LMBRD1: variants seen among roughly 807,000 people sequenced by gnomAD.
The protein encoded by LMBRD1 is LMBR1 domain containing 1.
LMBRD1 carries 64 observed loss-of-function variants against 74.8 expected under a neutral mutation model. That is an observed-to-expected ratio of 0.86 (90% CI 0.70 to 1.05). The LOEUF is 1.05. Among genes scored for constraint, LMBRD1 ranks in the 50% least tolerant of loss-of-function variants. The probability of loss-of-function intolerance (pLI) is 0.00; values close to 1 mark genes in which losing one functional copy is unlikely to be tolerated. For synonymous variants in LMBRD1, 204 were observed against 216.3 expected (o/e 0.94, Z 0.50); for missense variants, 652 against 645.9 (o/e 1.01, Z -0.10).
intron 8 of LMBRD1, among the ~76,000 whole-genome samples, chr6:69,715,775 A>G (rs1245757181): frequency 1.3e-5 from 2 of 151,586 alleles, no homozygotes; most frequent in Non-Finnish European, 1.5e-5. Flanking sequence ...CCCTCCTTCC[A>G]CCCTCTGCCC....
intron 14 of LMBRD1, among the ~76,000 whole-genome samples, chr6:69,688,112 A>T (rs895670393): frequency 1.3e-5 from 2 of 152,114 alleles, no homozygotes; most frequent in African/African-American, 4.8e-5. Flanking sequence ...TAACGAAGAT[A>T]TTAGGAGACT....
chr6:69,794,985 T>C (rs1352017357), intron 1 of LMBRD1, among the ~76,000 whole-genome samples: 1 of 152,332 alleles, frequency 6.6e-6, no homozygotes, highest in African/African-American at 2.4e-5. Flanking sequence ...CTTCCACTTG[T>C]TGAGCTTTGG....
At chr6:69,742,729 T>C (rs1767130785) in intron 5 of LMBRD1, among the ~76,000 whole-genome samples, 1 of 152,126 alleles carries the variant, frequency 6.6e-6, no homozygotes, top group Non-Finnish European at 1.5e-5. Flanking sequence ...AATGAATTAG[T>C]TCAATAATAT....
intron 7 of LMBRD1, among the ~76,000 whole-genome samples, chr6:69,723,135 T>A (rs980377539): frequency 1.3e-5 from 2 of 152,070 alleles, no homozygotes; most frequent in Non-Finnish European, 2.9e-5. Flanking sequence ...GATATAACAA[T>A]TATAAATGCA....
intron 4 of LMBRD1, among the ~76,000 whole-genome samples, chr6:69,751,968 T>G (rs200768359): frequency 7.8e-6 from 1 of 128,800 alleles, no homozygotes; most frequent in Non-Finnish European, 1.8e-5. Context: ...GTGGCTAGCT[T>G]GATTGTTGTG....
Position 69,788,995 on chromosome 6 carries a change from G to T in LMBRD1, c.246+1301C>A, listed in dbSNP as rs557467160. On this transcript the variant is annotated intron_variant, in intron 2 of 15. Coordinates refer to ENST00000649934, the MANE Select transcript of LMBRD1 (RefSeq NM_018368.4). ...CACAGGATTGTTTAAGAGACCAAAGGAAGTTACTAAATGTAAATCACTTAA... is the reference window on the plus strand; with the variant it reads ...CACAGGATTGTTTAAGAGACCAAAGTAAGTTACTAAATGTAAATCACTTAA... Among the ~76,000 whole-genome samples the T allele has an allele frequency of 5.3e-5, 8 of 152,262 alleles. No homozygotes were observed. The South Asian group carries it at 1.7e-3, about 32-fold the overall frequency.
intron 2 of LMBRD1, among the ~76,000 whole-genome samples, chr6:69,780,799 T>C (rs543937206): frequency 7.9e-5 from 12 of 152,266 alleles, no homozygotes; most frequent in African/African-American, 1.4e-4. Flanking sequence ...AGATGAGGAA[T>C]GGCTTCTCAA....
intron 1 of LMBRD1, among the ~76,000 whole-genome samples, chr6:69,796,460 G>A (rs572775312): frequency 4.6e-5 from 7 of 152,278 alleles, no homozygotes; most frequent in African/African-American, 1.7e-4. Flanking sequence ...GTGTGACAAT[G>A]TTTTACAGGG....
intron 7 of LMBRD1, among the ~76,000 whole-genome samples, chr6:69,729,318 T>C (rs1406340470): frequency 6.6e-6 from 1 of 151,158 alleles, no homozygotes; most frequent in Non-Finnish European, 1.5e-5. Context: ...AAATGTCCCT[T>C]GCTTATAACT....
At chr6:69,695,130 T>C (rs1339332690) in intron 14 of LMBRD1, among the ~76,000 whole-genome samples, 4 of 152,158 alleles carry the variant, frequency 2.6e-5, no homozygotes, top group Non-Finnish European at 5.9e-5. Context: ...TGGATATTAA[T>C]ACCATATTGC....
intron 8 of LMBRD1, among the ~76,000 whole-genome samples, chr6:69,718,755 C>T (rs933608906): frequency 3.9e-5 from 6 of 152,192 alleles, no homozygotes; most frequent in Admixed American, 1.3e-4. Flanking sequence ...CACTGGGTCC[C>T]TCCCACAACA....
rs186066592 is a variant in LMBRD1 at position 69,708,646 on chromosome 6, T to G, written c.915+4999A>C. Among the ~76,000 whole-genome samples, 210 of 116,588 alleles carry G rather than the reference T, an allele frequency of 1.8e-3. No homozygotes were observed. In the Middle Eastern group the frequency reaches 0.022, roughly 12 times the overall value. 76.5% of individuals were successfully genotyped at this position (116,588 alleles called of 152,430 possible). ...ATCACAAGATCAACAGGCATCTTCA[T>G]GGGAACAAAAAAAAAAATCCTCTAC... is the stretch of plus-strand genomic sequence containing the variant. On this transcript the variant is annotated intron_variant, in intron 9 of 15. Coordinates refer to ENST00000649934, the MANE Select transcript of LMBRD1 (RefSeq NM_018368.4).
intron 9 of LMBRD1, 76 bp from the exon 10 acceptor site, chr6:69,702,029 A>G: frequency 1.2e-6 from 1 of 840,982 alleles, no homozygotes; most frequent in South Asian, 1.4e-5. Context: ...TATATTCAAT[A>G]TGAGTTGCTA....
At chr6:69,714,421 A>T (rs1003597684) in intron 8 of LMBRD1, among the ~76,000 whole-genome samples, 6 of 152,124 alleles carry the variant, frequency 3.9e-5, no homozygotes, top group South Asian at 4.1e-4. Context: ...ACTTTCTGTA[A>T]CCATGAGCAG....
chr6:69,732,037 T>A (rs1766869641), intron 7 of LMBRD1, among the ~76,000 whole-genome samples: 1 of 152,090 alleles, frequency 6.6e-6, no homozygotes. Context: ...ACACATAAAG[T>A]AACGGTGCAC....
intron 8 of LMBRD1, among the ~76,000 whole-genome samples, chr6:69,716,919 AT>A (rs1766504243): frequency 2.0e-5 from 3 of 151,292 alleles, no homozygotes. Flanking sequence ...ATACATATGT[AT>A]TTATATGTAC....
At chr6:69,778,180 AT>A (rs1554243388) in intron 3 of LMBRD1, among the ~76,000 whole-genome samples, 1 of 152,154 alleles carries the variant, frequency 6.6e-6, no homozygotes, top group Non-Finnish European at 1.5e-5. Context: ...TTTTAAACAA[AT>A]TTTTTTCCTA....
chr6:69,686,149 A>G (rs942512981), intron 14 of LMBRD1, among the ~76,000 whole-genome samples: 2 of 152,222 alleles, frequency 1.3e-5, no homozygotes, highest in African/African-American at 4.8e-5. Flanking sequence ...AATAGTTTAT[A>G]CTATCTTCCC....
intron 9 of LMBRD1, among the ~76,000 whole-genome samples, chr6:69,706,535 T>A (rs1424759938): frequency 6.6e-6 from 1 of 152,160 alleles, no homozygotes; most frequent in Non-Finnish European, 1.5e-5. Context: ...AACTTTTGTG[T>A]TCCCTGTACA....
Sources: gnomAD v4.1 joint callset for allele counts (sites outside exome capture counted in the v4.1 genomes callset) on GRCh38, gnomAD v4.1.1 for gene constraint, MANE v1.5 for transcripts, NCBI Gene and HGNC (gene_info 2026-07-23, HGNC 2026-07-21) for gene names.